The following IGFBPL1 variants were observed in gnomAD, a reference collection of about 807,000 sequenced individuals.
IGFBPL1 encodes the protein insulin-like growth factor-binding protein-like 1.
A neutral mutation model predicts 23.9 loss-of-function variants in IGFBPL1; 20 were observed. The ratio of observed to expected loss-of-function variants is 0.84; its 90% confidence interval spans 0.59 to 1.22. IGFBPL1 has a LOEUF of 1.22. Among genes scored for constraint, IGFBPL1 ranks in the 50% most tolerant of loss-of-function variants. The probability of loss-of-function intolerance (pLI) is 0.00; values close to 1 mark genes in which losing one functional copy is unlikely to be tolerated. For synonymous variants in IGFBPL1, 184 were observed against 171.8 expected, an observed-to-expected ratio of 1.07 and a Z score of -0.56; for missense variants, 436 against 379.3, an observed-to-expected ratio of 1.15 and a Z score of -1.24.
chr9:38,421,303 A>AT (rs1260335381), intron 1 of IGFBPL1, among the ~76,000 whole-genome samples: 1 of 151,764 alleles, frequency 6.6e-6, no homozygotes, highest in Non-Finnish European at 1.5e-5. Flanking sequence ...AAAAAAAAAA[A>AT]AAGGATGCAA....
At chr9:38,421,347 T>A (rs931006054) in intron 1 of IGFBPL1, among the ~76,000 whole-genome samples, 3 of 150,754 alleles carry the variant, frequency 2.0e-5, no homozygotes, top group Non-Finnish European at 2.9e-5. Flanking sequence ...TATTCATATG[T>A]GAGTCTTCCA....
rs904271142 is a variant in IGFBPL1, at chr9:38,407,923, G to C, written c.*1304C>G. The stretch of plus-strand genomic sequence containing the variant: ...GGATCTATTTTTTTAAGATAAGATA[G>C]CAAATATTCTCCTTTCTTTTTTCAT... On this transcript the variant is annotated 3_prime_UTR_variant, in exon 5 of 5. Transcript: ENST00000377694. 6.6e-6 allele frequency among the ~76,000 whole-genome samples: 1 copy of C among 150,774 alleles called. No individual in the cohort carries two copies. Among genetic ancestry groups the C allele is most frequent in the Admixed American group, 6.7e-5 (1 of 15,014 alleles).
intron 1 of IGFBPL1, among the ~76,000 whole-genome samples, chr9:38,417,059 A>C (rs745590394): frequency 6.6e-6 from 1 of 152,150 alleles, no homozygotes; most frequent in Non-Finnish European, 1.5e-5. Flanking sequence ...GCTCTTTATA[A>C]TCAATAATAA....
intron 4 of IGFBPL1, among the ~76,000 whole-genome samples, chr9:38,409,914 A>C (rs7030352): frequency 0.045 from 6,772 of 152,150 alleles, 243 homozygotes; most frequent in African/African-American, 0.1. Flanking sequence ...ATGCCTTAAT[A>C]TCTCCTCCCA....
In IGFBPL1 at chr9:38,408,237, G is replaced by A. The variant is rs1234406127; in HGVS notation, c.*990C>T. Among the ~76,000 whole-genome samples the A allele has an allele frequency of 7.5e-6, 1 of 132,672 alleles. No individual in the cohort carries two copies. The highest frequency in any genetic ancestry group is 2.8e-5 in the African/African-American group (1 of 35,762). The allele number at this position is 132,672 out of a possible 152,430, so 87.0% of individuals were successfully genotyped here. ...GAGACCAGCCTGGGCGGCAACATAGGGAGACCCTGTCTCTACAAAAAAAAA... is the reference window on the plus strand; with the variant it reads ...GAGACCAGCCTGGGCGGCAACATAGAGAGACCCTGTCTCTACAAAAAAAAA... On this transcript the variant is annotated 3_prime_UTR_variant, in exon 5 of 5. Coordinates refer to ENST00000377694, the MANE Select transcript of IGFBPL1 (RefSeq NM_001007563.3).
intron 2 of IGFBPL1, 81 bp downstream of exon 2, chr9:38,414,013 C>G (rs533296144): frequency 1.3e-6 from 1 of 760,186 alleles, no homozygotes; most frequent in East Asian, 2.5e-5. Flanking sequence ...TTACCACTCA[C>G]GTCTGTTTCT....
intron 3 of IGFBPL1, among the ~76,000 whole-genome samples, chr9:38,411,968 T>C (rs537044293): frequency 6.6e-6 from 1 of 152,310 alleles, no homozygotes; most frequent in African/African-American, 2.4e-5. Context: ...TTCCCTGTCT[T>C]TTCTCCTAAG....
chr9:38,413,744 A>G (rs1821550959), intron 2 of IGFBPL1, among the ~76,000 whole-genome samples: 1 of 152,166 alleles, frequency 6.6e-6, no homozygotes, highest in Non-Finnish European at 1.5e-5. Context: ...TGTCTGAAAC[A>G]CAGCCCCGAA....
chr9:38,420,846 C>A (rs1226999933), intron 1 of IGFBPL1, among the ~76,000 whole-genome samples: 3 of 152,010 alleles, frequency 2.0e-5, no homozygotes, highest in Non-Finnish European at 2.9e-5. Flanking sequence ...CAAAACAAAA[C>A]AAAACAAAAC....
At position 38,408,268 on chromosome 9, in the gene IGFBPL1, AAAAAAAAAAAAT is replaced by A. The variant is rs1821460013; in HGVS notation, c.*947_*958del. Among the ~76,000 whole-genome samples, 1 of 129,352 alleles carries A rather than the reference AAAAAAAAAAAAT, an allele frequency of 7.7e-6. No homozygotes were observed. Among genetic ancestry groups the A allele is most frequent in the Admixed American group, 8.3e-5 (1 of 12,060 alleles). The allele number at this position is 129,352 out of a possible 152,430, so 84.9% of individuals were successfully genotyped here. A position where few individuals can be genotyped will look rare whatever the true frequency, so the allele number is the denominator to read the frequency against. On this transcript the variant is annotated 3_prime_UTR_variant, in exon 5 of 5. Transcript: ENST00000377694. ...CCTGTCTCTACAAAAAAAAAAAAAA[AAAAAAAAAAAAT>A]AGCTGGGTGTGGTGGGGCATGCCTG... is the stretch of plus-strand genomic sequence containing the variant.
At chr9:38,418,032 G>A (rs909006724) in intron 1 of IGFBPL1, among the ~76,000 whole-genome samples, 36 of 152,298 alleles carry the variant, frequency 2.4e-4, no homozygotes, top group African/African-American at 7.2e-4. Flanking sequence ...GGATATGGTC[G>A]CAGGCCTGCC....
intron 1 of IGFBPL1, among the ~76,000 whole-genome samples, chr9:38,420,600 G>A (rs1420465176): frequency 2.0e-5 from 3 of 152,196 alleles, no homozygotes; most frequent in Non-Finnish European, 4.4e-5. Flanking sequence ...TTGGGAGGCC[G>A]AGGCGGGCAG....
intron 1 of IGFBPL1, among the ~76,000 whole-genome samples, chr9:38,421,646 G>C (rs956173989): frequency 6.6e-6 from 1 of 152,108 alleles, no homozygotes; most frequent in Non-Finnish European, 1.5e-5. Flanking sequence ...CCTTCAACCG[G>C]GATCCCCAGA....
chr9:38,420,770 G>A (rs1295318121), intron 1 of IGFBPL1, among the ~76,000 whole-genome samples: 1 of 151,964 alleles, frequency 6.6e-6, no homozygotes, highest in Non-Finnish European at 1.5e-5. Context: ...CCAGGAGGTG[G>A]AGCTTGCAGT....
intron 1 of IGFBPL1, among the ~76,000 whole-genome samples, chr9:38,421,822 A>G (rs1821683885): frequency 6.6e-6 from 1 of 152,206 alleles, no homozygotes; most frequent in African/African-American, 2.4e-5. Context: ...ACAGAGAGTG[A>G]CAGGCAAACA....
Position 38,408,057 on chromosome 9 carries a change from C to T in IGFBPL1, c.*1170G>A, listed in dbSNP as rs1434956053. ...CACAGTCTGGAGATAACACCTGACC[C>T]CTTTTTTTACAATTTGATCGTCAGA... On this transcript the variant is annotated 3_prime_UTR_variant, in exon 5 of 5. Coordinates refer to ENST00000377694, the MANE Select transcript of IGFBPL1 (RefSeq NM_001007563.3). Among the ~76,000 whole-genome samples, 1 of 151,982 alleles carries T rather than the reference C, an allele frequency of 6.6e-6. No homozygotes were observed. Among genetic ancestry groups the T allele is most frequent in the Admixed American group, 6.6e-5 (1 of 15,262 alleles).
chr9:38,413,261 G>C lies in IGFBPL1; in HGVS notation c.663C>G (p.Asp221Glu). Residue 221 changes from aspartate (D) to glutamate (E), a missense_variant, in exon 3 of 5, where the codon GAC becomes GAG. By Grantham distance (45) the Asp-to-Glu change is conservative (BLOSUM62 2). Transcript: ENST00000377694. ...CCAAAATCCAGGCCGTGGCCTCATGGTCAGAAGGGCCCCCTCGCACTTGGA... is the reference window on the plus strand; with the variant it reads ...CCAAAATCCAGGCCGTGGCCTCATGCTCAGAAGGGCCCCCTCGCACTTGGA... Reference protein sequence around the residue: ...IAVQVRGGPSDHEATAWILIN... With the variant: ...IAVQVRGGPSEHEATAWILIN... 1.2e-6 allele frequency: 2 copies of C among 1,613,378 alleles called. No homozygotes were observed. The highest frequency in any genetic ancestry group is 1.7e-6 in the Non-Finnish European group (2 of 1,179,402).
intron 3 of IGFBPL1, 57 bp from the exon 4 acceptor site, chr9:38,411,606 C>T: frequency 7.0e-7 from 1 of 1,437,422 alleles, no homozygotes; most frequent in South Asian, 1.2e-5. Flanking sequence ...AAATGACTTC[C>T]TTAGTTAGTT....
Position 38,414,151 on chromosome 9 carries a change from C to G in IGFBPL1, c.513G>C (p.Gln171His). 6.2e-7 allele frequency: 1 copy of G among 1,612,476 alleles called. No homozygotes were observed. Among genetic ancestry groups the G allele is most frequent in the Non-Finnish European group, 8.5e-7 (1 of 1,179,436 alleles). ...PRSVHNVTGA[Q>H]VGLSCEVRAV... ...CCCTCACTTCACAGGACAGGCCCACCTGCGCCCCGGTGACGTTGTGAACAC... is the reference window on the plus strand; with the variant it reads ...CCCTCACTTCACAGGACAGGCCCACGTGCGCCCCGGTGACGTTGTGAACAC... Residue 171 changes from glutamine (Q) to histidine (H), a missense_variant, in exon 2 of 5, where the codon CAG becomes CAC. Gln to His is a conservative substitution (Grantham distance 24). Coordinates refer to ENST00000377694, the MANE Select transcript of IGFBPL1 (RefSeq NM_001007563.3).
Sources: gnomAD v4.1 joint callset for allele counts (sites outside exome capture counted in the v4.1 genomes callset) on GRCh38, gnomAD v4.1.1 for gene constraint, MANE v1.5 for transcripts, NCBI Gene and HGNC (gene_info 2026-07-23, HGNC 2026-07-21) for gene names.